Variants in KCNAB2 observed in about 807,000 individuals in gnomAD.
KCNAB2 encodes the protein potassium voltage-gated channel subfamily A regulatory beta subunit 2.
In KCNAB2, 29 loss-of-function variants were observed where a neutral mutation model predicts 63.6. The observed-to-expected ratio is 0.46, with a 90% confidence interval of 0.34 to 0.62. The LOEUF (loss-of-function observed/expected upper bound fraction) is 0.62, where lower values mean the gene tolerates loss of function less well. Ranked by LOEUF, KCNAB2 falls within the 20% of genes least tolerant of loss-of-function variation. The pLI, the probability that KCNAB2 is intolerant of heterozygous loss-of-function variation, is 0.01. For missense variants in KCNAB2, 359 were observed against 563.9 expected, an observed-to-expected ratio of 0.64 and a Z score of 3.68; for synonymous variants, 222 against 224.2, an observed-to-expected ratio of 0.99 and a Z score of 0.09.
rs1250232812 is a variant in KCNAB2 at position 6,086,025 on chromosome 1, C to T, written c.425+777C>T. 1.0e-6 allele frequency: 1 copy of T among 985,358 alleles called. No individual in the cohort carries two copies. Among genetic ancestry groups the T allele is most frequent in the African/African-American group, 1.7e-5 (1 of 57,250 alleles). 61.0% of individuals were successfully genotyped at this position (985,358 alleles called of 1,614,324 possible). ...GGCCCTTCCCAGGCCAAGGTCCTCA[C>T]CCACCTTGGGACCAACTGGGCTGAG... On this transcript the variant is annotated intron_variant, in intron 6 of 15. Coordinates refer to ENST00000378083, the MANE Select transcript of KCNAB2 (RefSeq NM_001199862.2). The surrounding 1 kb of genome is among the most constrained non-coding windows in gnomAD (Gnocchi z 4.2).
chr1:6,045,704 C>T (rs1320978504), upstream of KCNAB2, among the ~76,000 whole-genome samples: 1 of 152,144 alleles, frequency 6.6e-6, no homozygotes, highest in Non-Finnish European at 1.5e-5. The surrounding 1 kb of genome is among the most constrained non-coding windows in gnomAD (Gnocchi z 4.8). Context: ...GAGTGGTATG[C>T]GGAAGCCACA....
chr1:6,066,285 G>A (rs1385236554), intron 2 of KCNAB2, among the ~76,000 whole-genome samples: 1 of 152,240 alleles, frequency 6.6e-6, no homozygotes, highest in Non-Finnish European at 1.5e-5. Context: ...AGGTACGGGG[G>A]CACACAGCTT....
intron 1 of KCNAB2, among the ~76,000 whole-genome samples, chr1:5,995,339 C>T (rs1362962988): frequency 4.6e-5 from 7 of 152,172 alleles, no homozygotes; most frequent in Admixed American, 6.5e-5. Context: ...GAGGCAGTGA[C>T]GGAGCTGGGT....
At position 6,087,424 on chromosome 1, in the gene KCNAB2, G is replaced by C. The variant is rs1308127565; in HGVS notation, c.426-43G>C. On this transcript the variant is annotated intron_variant, in intron 6 of 15. Transcript: ENST00000378083. The surrounding 1 kb of genome is among the most constrained non-coding windows in gnomAD (Gnocchi z 6.4). Reference sequence around the variant, plus strand: ...TCGGGGATGAAGGAGGACCCCCCAGGGGCCGGGCTTATCACACCCCTTCTT... The same window carrying C: ...TCGGGGATGAAGGAGGACCCCCCAGCGGCCGGGCTTATCACACCCCTTCTT... The C allele has an allele frequency of 6.2e-7, 1 of 1,607,336 alleles. No homozygotes were observed. Among genetic ancestry groups the C allele is most frequent in the African/African-American group, 1.3e-5 (1 of 74,782 alleles).
At chr1:6,012,712 G>A (rs1246444902) in intron 1 of KCNAB2, among the ~76,000 whole-genome samples, 1 of 148,226 alleles carries the variant, frequency 6.7e-6, no homozygotes, top group African/African-American at 2.4e-5. Flanking sequence ...AAGGTGGAGA[G>A]GGTAGAGGTC....
At chr1:6,088,642 C>A (rs1354055580) in intron 7 of KCNAB2, among the ~76,000 whole-genome samples, 3 of 151,986 alleles carry the variant, frequency 2.0e-5, no homozygotes, top group Non-Finnish European at 4.4e-5. Context: ...CTTAGCCTCC[C>A]AAAGTGCTGG....
chr1:6,085,814 G>A (rs1261871996), intron 6 of KCNAB2: 1 of 987,560 alleles, frequency 1.0e-6, no homozygotes, highest in Non-Finnish European at 1.2e-6. Context: ...GACCGTTCCG[G>A]CAGGGCTATC....
At chr1:6,044,356 C>T (rs1383748046), upstream of KCNAB2, among the ~76,000 whole-genome samples, 1 of 152,204 alleles carries the variant, frequency 6.6e-6, no homozygotes, top group African/African-American at 2.4e-5. Flanking sequence ...GGAGGGGCCA[C>T]AGCCAGCTGA....
At chr1:6,066,343 C>T (rs1233501580) in intron 2 of KCNAB2, among the ~76,000 whole-genome samples, 1 of 152,224 alleles carries the variant, frequency 6.6e-6, no homozygotes, top group Non-Finnish European at 1.5e-5. Context: ...CCCACCTCCT[C>T]ACTTTCGAGA....
Position 6,086,382 on chromosome 1 carries a change from A to C in KCNAB2, c.426-1085A>C, listed in dbSNP as rs1182149960. The C allele has an allele frequency of 1.0e-6, 1 of 985,176 alleles. No individual in the cohort carries two copies. The highest frequency in any genetic ancestry group is 1.7e-5 in the African/African-American group (1 of 57,216). 61.0% of individuals were successfully genotyped at this position (985,176 alleles called of 1,614,324 possible). ...GCACGTATTAGCAAATCCCCTGATCACGTCTTTGGCGAATGTGCATGGAGG... is the reference window on the plus strand; with the variant it reads ...GCACGTATTAGCAAATCCCCTGATCCCGTCTTTGGCGAATGTGCATGGAGG... On this transcript the variant is annotated intron_variant, in intron 6 of 15. Transcript: ENST00000378083. This position sits in a 1 kb window ranked among gnomAD's most constrained non-coding sequence, Gnocchi z 4.2.
chr1:6,067,534 G>T (rs929189384), intron 2 of KCNAB2, among the ~76,000 whole-genome samples: 1 of 152,174 alleles, frequency 6.6e-6, no homozygotes, highest in African/African-American at 2.4e-5. Flanking sequence ...AACCCTTGCT[G>T]GAGGTGAATT....
chr1:6,052,239 T>A (rs759275499), intron 2 of KCNAB2, among the ~76,000 whole-genome samples: 3 of 152,024 alleles, frequency 2.0e-5, no homozygotes, highest in Non-Finnish European at 2.9e-5. Flanking sequence ...CTAGGCAACA[T>A]GGCAAAACCC....
rs1187698690 is a variant in KCNAB2 at position 6,078,232 on chromosome 1, C to G, written c.301-3963C>G. Among the ~76,000 whole-genome samples, 1 of 152,228 alleles carries G rather than the reference C, an allele frequency of 6.6e-6. No homozygotes were observed. Among genetic ancestry groups the G allele is most frequent in the Admixed American group, 6.5e-5 (1 of 15,294 alleles). ...CCTCTTCTGTCAGTCAAGTCTCCGT[C>G]TGTCTCGTCCTCATAAGGTCACCTG... On this transcript the variant is annotated intron_variant, in intron 4 of 15. Coordinates refer to ENST00000378083, the MANE Select transcript of KCNAB2 (RefSeq NM_001199862.2). The surrounding 1 kb of genome is among the most constrained non-coding windows in gnomAD (Gnocchi z 4.2).
upstream of KCNAB2, among the ~76,000 whole-genome samples, chr1:6,043,412 C>A (rs1013567105): frequency 6.6e-6 from 1 of 152,180 alleles, no homozygotes; most frequent in African/African-American, 2.4e-5. Context: ...AACATGTTGT[C>A]CCCCCCGCCG....
At chr1:6,010,567 G>A (rs1424595679) in intron 1 of KCNAB2, among the ~76,000 whole-genome samples, 1 of 152,260 alleles carries the variant, frequency 6.6e-6, no homozygotes, top group East Asian at 1.9e-4. Flanking sequence ...GCTGTGTCTG[G>A]GGATTGAAGA....
chr1:6,046,929 TGAGG>T (rs1660973747), intron 1 of KCNAB2, among the ~76,000 whole-genome samples: 2 of 152,178 alleles, frequency 1.3e-5, no homozygotes, highest in Admixed American at 1.3e-4. Flanking sequence ...ACTGACTTAA[TGAGG>T]TTAACATCTT....
intron 1 of KCNAB2, among the ~76,000 whole-genome samples, chr1:6,039,670 C>T (rs930281591): frequency 7.2e-5 from 11 of 152,178 alleles, no homozygotes; most frequent in African/African-American, 1.7e-4. Context: ...AGGTTCTTGC[C>T]GGGACTGGGC....
At chr1:6,050,839 T>C (rs1408088862) in intron 1 of KCNAB2, among the ~76,000 whole-genome samples, 1 of 152,242 alleles carries the variant, frequency 6.6e-6, no homozygotes, top group Admixed American at 6.5e-5. Flanking sequence ...GCTCAGTTTT[T>C]CTTTTGCAAA....
Position 6,096,764 on chromosome 1 carries a change from TG to T in KCNAB2, c.1069+12del. The stretch of plus-strand genomic sequence containing the variant: ...TGCCCCAGCTGGCCATAGGTAACGG[TG>T]GGGTCGCCATGGGGCCAGTGCCCCT... On this transcript the variant is annotated intron_variant, in intron 14 of 15. Transcript: ENST00000378083. This position sits in a 1 kb window ranked among gnomAD's most constrained non-coding sequence, Gnocchi z 5.9. 6.4e-7 allele frequency: 1 copy of T among 1,565,532 alleles called. No individual in the cohort carries two copies. The highest frequency in any genetic ancestry group is 1.9e-5 in the Admixed American group (1 of 53,214).
Sources: gnomAD v4.1 joint callset for allele counts (sites outside exome capture counted in the v4.1 genomes callset) on GRCh38, gnomAD v4.1.1 for gene constraint, Gnocchi (gnomAD v3.1) non-coding constraint, MANE v1.5 for transcripts, NCBI Gene and HGNC (gene_info 2026-07-23, HGNC 2026-07-21) for gene names.